The following SATB1 variants were observed in gnomAD, a reference collection of about 807,000 sequenced individuals.
SATB1 encodes the protein SATB homeobox 1.
Under a neutral mutation model 86.9 loss-of-function variants are expected in SATB1, and 11 were observed. The observed-to-expected ratio is 0.13, with a 90% CI of 0.08 to 0.21. SATB1 has a LOEUF of 0.21. Ranked by LOEUF, SATB1 falls within the 10% of genes least tolerant of loss-of-function variation. SATB1 has a pLI of 1.00. For missense variants in SATB1, 551 were observed against 937.6 expected (o/e 0.59, Z 5.39); for synonymous variants, 357 against 357.2 (o/e 1.00, Z 0.01).
At chr3:18,372,824 C>T (rs1385363309) in intron 9 of SATB1, among the ~76,000 whole-genome samples, 2 of 152,042 alleles carry the variant, frequency 1.3e-5, no homozygotes, top group Non-Finnish European at 2.9e-5. Context: ...AATATGAATT[C>T]CCAACATTAA....
chr3:18,386,757 A>T lies in SATB1; in HGVS notation c.1207-146T>A. The T allele has an allele frequency of 1.6e-6, 1 of 631,796 alleles. No homozygotes were observed. Among genetic ancestry groups the T allele is most frequent in the South Asian group, 1.9e-5 (1 of 51,496 alleles). The allele number at this position is 631,796 out of a possible 1,614,324, so 39.1% of individuals were successfully genotyped here. A position where few individuals can be genotyped will look rare whatever the true frequency, so the allele number is the denominator to read the frequency against. On this transcript the variant is annotated intron_variant, in intron 7 of 10. Coordinates refer to ENST00000338745, the MANE Select transcript of SATB1 (RefSeq NM_002971.6). The surrounding 1 kb of genome is among the most constrained non-coding windows in gnomAD (Gnocchi z 4.5). ...ATAGGAATATATTAGTTACAACTGA[A>T]GTGGTAGAGAAGAGAGCCTCAATTG...
intron 7 of SATB1, among the ~76,000 whole-genome samples, chr3:18,393,908 T>C (rs188166582): frequency 6.6e-6 from 1 of 152,334 alleles, no homozygotes; most frequent in Non-Finnish European, 1.5e-5. Context: ...AAATATTTTA[T>C]GTTAATAAGT....
chr3:18,366,968 C>CT lies in SATB1; in HGVS notation c.1575+11201dup, dbSNP rs78412566. ...GTGTCTTCAATCAAAATAGCATCCT[C>CT]TGTAATACTTGTGTACCTGTTTCAG... On this transcript the variant is annotated intron_variant, in intron 9 of 10. Coordinates refer to ENST00000338745, the MANE Select transcript of SATB1 (RefSeq NM_002971.6). Among the ~76,000 whole-genome samples, 1,308 of 152,296 alleles carry CT rather than the reference C, an allele frequency of 8.6e-3. 45 individuals carry two copies. The East Asian group carries it at 0.098, about 11-fold the overall frequency.
rs753284291 is a variant in SATB1 at position 18,394,413 on chromosome 3, AAAGAG to A, written c.1206+44_1206+48del. ...ACTTTAGTTATAGATGGGACTAAAG[AAAGAG>A]AAAATAGGAGACAGCACAGAACCAC... is the stretch of plus-strand genomic sequence containing the variant. On this transcript the variant is annotated intron_variant, in intron 7 of 10. Coordinates refer to ENST00000338745, the MANE Select transcript of SATB1 (RefSeq NM_002971.6). This position sits in a 1 kb window ranked among gnomAD's most constrained non-coding sequence, Gnocchi z 5.9. The A allele has an allele frequency of 1.3e-6, 2 of 1,501,968 alleles. No homozygotes were observed. Among genetic ancestry groups the A allele is most frequent in the East Asian group, 2.3e-5 (1 of 44,144 alleles). The allele number at this position is 1,501,968 out of a possible 1,614,324, so 93.0% of individuals were successfully genotyped here. A position where few individuals can be genotyped will look rare whatever the true frequency, so the allele number is the denominator to read the frequency against.
At chr3:18,375,472 G>A (rs1382581379) in intron 9 of SATB1, among the ~76,000 whole-genome samples, 4 of 152,152 alleles carry the variant, frequency 2.6e-5, no homozygotes, top group Non-Finnish European at 5.9e-5. Flanking sequence ...GGTTCTTCCT[G>A]CTTCACACAC....
At position 18,349,565 on chromosome 3, in the gene SATB1, A is replaced by G; in HGVS notation, c.1897T>C (p.Ser633Pro). 6.2e-7 allele frequency: 1 copy of G among 1,613,706 alleles called. No individual in the cohort carries two copies. The highest frequency in any genetic ancestry group is 8.5e-7 in the Non-Finnish European group (1 of 1,179,958). Residue 633 changes from serine to proline, a missense_variant, in exon 11 of 11, where the codon TCT (serine) becomes CCT (proline). Around this residue, in one of 8 missense-constraint regions of SATB1, gnomAD observed 87 missense variants for 103.6 expected, o/e 0.84. Transcript: ENST00000338745. This position sits in a 1 kb window ranked among gnomAD's most constrained non-coding sequence, Gnocchi z 5.5. ...RLPPRQPTVASPAESDEENRQ... is the reference protein window; with the variant it reads ...RLPPRQPTVAPPAESDEENRQ... ...TTTTCCTCATCTGACTCTGCTGGAGAGGCCACCGTGGGTTGCCGTGGGGGG... is the reference window on the plus strand; with the variant it reads ...TTTTCCTCATCTGACTCTGCTGGAGGGGCCACCGTGGGTTGCCGTGGGGGG...
chr3:18,443,621 C>T (rs1481956797), upstream of SATB1, among the ~76,000 whole-genome samples: 1 of 152,194 alleles, frequency 6.6e-6, no homozygotes, highest in African/African-American at 2.4e-5. The surrounding 1 kb of genome is among the most constrained non-coding windows in gnomAD (Gnocchi z 4.4). Flanking sequence ...GAGGAAACTG[C>T]GTTTCCCCAG....
At chr3:18,389,261 G>GT (rs35192555) in intron 7 of SATB1, among the ~76,000 whole-genome samples, 67,027 of 129,686 alleles carry the variant, frequency 0.52, 17,727 homozygotes, top group East Asian at 0.77. Flanking sequence ...AAACCTTTGG[G>GT]TTTTTTTTTT....
chr3:18,434,114 C>T (rs375273412), intron 2 of SATB1, among the ~76,000 whole-genome samples: 14 of 152,040 alleles, frequency 9.2e-5, no homozygotes, highest in East Asian at 7.7e-4. Flanking sequence ...ATTACTTTTA[C>T]AGTTGAAGAA....
intron 8 of SATB1, among the ~76,000 whole-genome samples, chr3:18,382,702 A>G (rs1696126102): frequency 6.6e-6 from 1 of 152,212 alleles, no homozygotes; most frequent in Non-Finnish European, 1.5e-5. Flanking sequence ...TAGTTTTCCC[A>G]ACTGGATAAT....
At chr3:18,363,966 G>T (rs1695053784) in intron 9 of SATB1, among the ~76,000 whole-genome samples, 1 of 151,182 alleles carries the variant, frequency 6.6e-6, no homozygotes, top group South Asian at 2.1e-4. Context: ...GAAGGTTTCT[G>T]TTTTGGTGGT....
Position 18,424,134 on chromosome 3 carries a change from A to T in SATB1, c.-532T>A. 6.6e-6 allele frequency: 1 copy of T among 152,076 alleles called. No homozygotes were observed. The highest frequency in any genetic ancestry group is 1.5e-5 in the Non-Finnish European group (1 of 68,128). The allele number at this position is 152,076 out of a possible 1,614,324, so 9.4% of individuals were successfully genotyped here. ...TGAGGATTCTCTTAAAAAAAAAAAA[A>T]TCACTGCGGACAAGGTCTCCAAAAA... On this transcript the variant is annotated 5_prime_UTR_variant, in exon 1 of 11. Transcript: ENST00000338745.
At chr3:18,353,537 AG>A (rs1402179729) in intron 9 of SATB1, among the ~76,000 whole-genome samples, 2 of 151,074 alleles carry the variant, frequency 1.3e-5, no homozygotes, top group Admixed American at 1.3e-4. Flanking sequence ...ATGGAAGTAT[AG>A]TTTTTTTTTT....
intron 9 of SATB1, among the ~76,000 whole-genome samples, chr3:18,367,708 C>T (rs1196822255): frequency 6.6e-6 from 1 of 152,204 alleles, no homozygotes; most frequent in East Asian, 1.9e-4. Context: ...TACACAACAG[C>T]ATCCCTAACG....
chr3:18,382,914 ACT>A (rs909111500), intron 8 of SATB1, among the ~76,000 whole-genome samples: 36 of 152,104 alleles, frequency 2.4e-4, no homozygotes, highest in African/African-American at 8.2e-4. Flanking sequence ...GGATTTGAAA[ACT>A]CTGACTCAAC....
intron 8 of SATB1, among the ~76,000 whole-genome samples, 185 bp from the exon 9 acceptor site, chr3:18,378,510 C>A (rs552277214): frequency 1.4e-4 from 22 of 152,272 alleles, no homozygotes; most frequent in African/African-American, 5.1e-4. Flanking sequence ...GTCACATTGT[C>A]ACAGGTGATT....
At chr3:18,425,526 C>G (rs1211389151), upstream of SATB1, among the ~76,000 whole-genome samples, 1 of 148,244 alleles carries the variant, frequency 6.7e-6, no homozygotes, top group Non-Finnish European at 1.5e-5. Flanking sequence ...GTTAAAAAGC[C>G]GAAAGACAAG....
intron 5 of SATB1, among the ~76,000 whole-genome samples, chr3:18,407,327 G>A (rs551569949): frequency 2.8e-4 from 42 of 152,124 alleles, no homozygotes; most frequent in African/African-American, 9.1e-4. Flanking sequence ...TTGAGATTGA[G>A]TTATAATATA....
chr3:18,423,178 A>T, intron 1 of SATB1, among the ~76,000 whole-genome samples: 1 of 152,192 alleles, frequency 6.6e-6, no homozygotes. Flanking sequence ...TGCCAGGCTG[A>T]AGAGTTTCTT....
Sources: allele counts gnomAD v4.1 joint callset (sites outside exome capture counted in the v4.1 genomes callset), GRCh38; gene constraint gnomAD v4.1.1; regional missense constraint gnomAD v4.1.1; non-coding constraint Gnocchi (gnomAD v3.1); transcripts MANE v1.5; gene names NCBI Gene and HGNC (gene_info 2026-07-23, HGNC 2026-07-21).